Variants in PPP2R2B observed in about 807,000 individuals in gnomAD.
PPP2R2B encodes the protein serine/threonine-protein phosphatase 2A 55 kDa regulatory subunit B beta isoform.
Under a neutral mutation model 46.0 loss-of-function variants are expected in PPP2R2B, and 5 were observed. The ratio of observed to expected loss-of-function variants is 0.11; its 90% confidence interval spans 0.06 to 0.23. The LOEUF (loss-of-function observed/expected upper bound fraction) is 0.23, where lower values mean the gene tolerates loss of function less well. Ranked by LOEUF, PPP2R2B falls within the 10% of genes least tolerant of loss-of-function variation. The pLI, the probability that PPP2R2B is intolerant of heterozygous loss-of-function variation, is 1.00. For synonymous variants in PPP2R2B, 215 were observed against 206.7 expected, an observed-to-expected ratio of 1.04 and a Z score of -0.34; for missense variants, 367 against 575.0, an observed-to-expected ratio of 0.64 and a Z score of 3.70.
chr5:146,842,842 G>A (rs1476060494), intron 2 of PPP2R2B, among the ~76,000 whole-genome samples: 2 of 152,166 alleles, frequency 1.3e-5, no homozygotes, highest in Admixed American at 1.3e-4. Flanking sequence ...GACAGTCTCA[G>A]TTAGTAAATT....
At chr5:146,928,735 A>G (rs936092439) in intron 1 of PPP2R2B, among the ~76,000 whole-genome samples, 6 of 152,306 alleles carry the variant, frequency 3.9e-5, no homozygotes, top group Middle Eastern at 3.4e-3. Flanking sequence ...AGCCAGAAAG[A>G]TCATTTTGAA....
intron 2 of PPP2R2B, among the ~76,000 whole-genome samples, chr5:146,727,651 T>C (rs1751958398): frequency 6.6e-6 from 1 of 152,046 alleles, no homozygotes. Flanking sequence ...CAACTGCACT[T>C]GTACCCGTAA....
At chr5:146,595,044 C>CTGAG (rs1771037067) in intron 8 of PPP2R2B, among the ~76,000 whole-genome samples, 1 of 152,202 alleles carries the variant, frequency 6.6e-6, no homozygotes, top group Non-Finnish European at 1.5e-5. Context: ...TTGAAAAGCT[C>CTGAG]TGAGTTATTT....
chr5:146,650,555 T>A lies in PPP2R2B; in HGVS notation c.617A>T (p.Gln206Leu), dbSNP rs1252224411. 1.1e-5 allele frequency: 17 copies of A among 1,613,086 alleles called. No homozygotes were observed. Among genetic ancestry groups the A allele is most frequent in the Non-Finnish European group, 1.4e-5 (17 of 1,179,504 alleles). The change falls in exon 6 of 10, where the codon CAA (glutamine) becomes CTA (leucine). Residue 206 changes from glutamine to leucine, a missense_variant. Physicochemically the swap from Gln to Leu is moderately radical, Grantham distance 113 (BLOSUM62 -2). This residue lies in a region of PPP2R2B where 361 missense variants were observed against 545.5 expected (regional missense o/e 0.66). Coordinates refer to ENST00000394411, the MANE Select transcript of PPP2R2B (RefSeq NM_181675.4). ...TCACAAAGAAAGGATACTAAAACTT[T>A]GATTGGTTATTTCAAAGTTCCATAG... ...INLWNFEITN[Q>L]SFNIVDIKPA...
At chr5:146,911,208 T>C (rs942098658) in intron 1 of PPP2R2B, among the ~76,000 whole-genome samples, 3 of 151,940 alleles carry the variant, frequency 2.0e-5, no homozygotes, top group Admixed American at 2.0e-4. Context: ...CTCAGCCTCC[T>C]GAGTAGCTGA....
chr5:147,054,247 A>G (rs1344906763), intron 1 of PPP2R2B, among the ~76,000 whole-genome samples: 2 of 152,180 alleles, frequency 1.3e-5, no homozygotes, highest in Non-Finnish European at 2.9e-5. Context: ...CAGGCAGGAG[A>G]GGACAGGAGG....
In PPP2R2B at chr5:146,650,440, C is replaced by T. The variant is rs528142815; in HGVS notation, c.625+107G>A. 906 of 1,038,608 alleles carry T rather than the reference C, an allele frequency of 8.7e-4. 1 individual carries two copies. Among genetic ancestry groups the T allele is most frequent in the Non-Finnish European group, 1.1e-3 (758 of 719,696 alleles). 64.3% of individuals were successfully genotyped at this position (1,038,608 alleles called of 1,614,324 possible). A position where few individuals can be genotyped will look rare whatever the true frequency, so the allele number is the denominator to read the frequency against. On this transcript the variant is annotated intron_variant, in intron 6 of 9. Transcript: ENST00000394411. ...TGTATTTTAAAAGGGGCAAGTTCTC[C>T]GCAAATGCTAGGTGTTGCATTTCTA... is the stretch of plus-strand genomic sequence containing the variant.
intron 1 of PPP2R2B, among the ~76,000 whole-genome samples, chr5:147,023,251 C>T (rs914584273): frequency 6.6e-6 from 1 of 151,868 alleles, no homozygotes; most frequent in African/African-American, 2.4e-5. Flanking sequence ...AGAGCAACCA[C>T]TAAAACGAAA....
At chr5:147,037,478 A>G (rs1202676185) in intron 1 of PPP2R2B, among the ~76,000 whole-genome samples, 2 of 152,006 alleles carry the variant, frequency 1.3e-5, no homozygotes, top group Non-Finnish European at 2.9e-5. Context: ...ATGTATCAAT[A>G]TATACATAAA....
intron 1 of PPP2R2B, among the ~76,000 whole-genome samples, chr5:146,992,914 T>C (rs974970266): frequency 4.6e-5 from 7 of 152,200 alleles, no homozygotes; most frequent in African/African-American, 7.2e-5. Flanking sequence ...ACCTGAATTC[T>C]TTATTCTGGT....
chr5:146,647,440 C>T (rs961242450), intron 6 of PPP2R2B, among the ~76,000 whole-genome samples: 2 of 152,148 alleles, frequency 1.3e-5, no homozygotes, highest in African/African-American at 4.8e-5. Context: ...TGATGAGAGG[C>T]TCAGTGCTTA....
chr5:146,896,789 G>A (rs768880142), intron 1 of PPP2R2B, among the ~76,000 whole-genome samples: 1 of 152,016 alleles, frequency 6.6e-6, no homozygotes, highest in Non-Finnish European at 1.5e-5. Context: ...CGTTAGTGGG[G>A]GTTGTCAATA....
chr5:146,960,161 C>G (rs995974319), intron 1 of PPP2R2B, among the ~76,000 whole-genome samples: 2 of 152,148 alleles, frequency 1.3e-5, no homozygotes, highest in African/African-American at 4.8e-5. Flanking sequence ...CTATAATTCT[C>G]CCTCCTAGGT....
intron 1 of PPP2R2B, among the ~76,000 whole-genome samples, chr5:147,035,630 A>C (rs1457347936): frequency 6.6e-6 from 1 of 152,200 alleles, no homozygotes; most frequent in East Asian, 1.9e-4. Flanking sequence ...CCAAGAAACA[A>C]AATTACATGC....
chr5:146,817,325 C>G (rs1757987193), intron 2 of PPP2R2B, among the ~76,000 whole-genome samples: 1 of 152,210 alleles, frequency 6.6e-6, no homozygotes. Flanking sequence ...TCCCCACTGA[C>G]TTGGACACCT....
At chr5:146,788,486 T>C (rs1755987153) in intron 2 of PPP2R2B, among the ~76,000 whole-genome samples, 2 of 151,954 alleles carry the variant, frequency 1.3e-5, no homozygotes, top group East Asian at 3.9e-4. Flanking sequence ...TCCCAGCACG[T>C]TTGGGAGGCC....
At chr5:147,040,680 CT>C (rs1297905747) in intron 1 of PPP2R2B, 1 of 427,126 alleles carries the variant, frequency 2.3e-6, no homozygotes, top group Non-Finnish European at 4.6e-6. Context: ...CCTGAATGAC[CT>C]TGTTAGGTAC....
At chr5:146,759,900 T>A (rs181505647) in intron 2 of PPP2R2B, among the ~76,000 whole-genome samples, 6 of 152,316 alleles carry the variant, frequency 3.9e-5, no homozygotes, top group Admixed American at 2.0e-4. Flanking sequence ...GTTATTGTGA[T>A]GTCTTACAGT....
At chr5:146,854,677 C>T (rs543695028) in intron 2 of PPP2R2B, among the ~76,000 whole-genome samples, 7 of 152,166 alleles carry the variant, frequency 4.6e-5, no homozygotes, top group East Asian at 1.9e-4. Flanking sequence ...AACACAAGCA[C>T]GTGTGTATAG....
Sources: allele counts gnomAD v4.1 joint callset (sites outside exome capture counted in the v4.1 genomes callset), GRCh38; gene constraint gnomAD v4.1.1; regional missense constraint gnomAD v4.1.1; transcripts MANE v1.5; gene names NCBI Gene and HGNC (gene_info 2026-07-23, HGNC 2026-07-21).